The following KIAA1958 variants were observed in gnomAD, a reference collection of about 807,000 sequenced individuals.
KIAA1958 encodes KIAA1958.
KIAA1958 carries 14 observed loss-of-function variants against 47.2 expected under a neutral mutation model. The observed-to-expected ratio is 0.30, with a 90% CI of 0.20 to 0.46. The LOEUF (loss-of-function observed/expected upper bound fraction) is 0.46. Ranked by LOEUF, KIAA1958 falls within the 20% of genes least tolerant of loss-of-function variation. The pLI is 1.00. For synonymous variants in KIAA1958, 354 were observed against 353.3 expected (o/e 1.00, Z -0.02); for missense variants, 803 against 909.2 (o/e 0.88, Z 1.50).
chr9:112,547,979 C>G (rs1203732629), intron 1 of KIAA1958, among the ~76,000 whole-genome samples: 1 of 150,334 alleles, frequency 6.7e-6, no homozygotes, highest in Non-Finnish European at 1.5e-5. Flanking sequence ...CCCTTTCAAC[C>G]AATTGCCAGT....
At chr9:112,558,740 A>T (rs1262314532) in intron 1 of KIAA1958, among the ~76,000 whole-genome samples, 3 of 152,188 alleles carry the variant, frequency 2.0e-5, no homozygotes, top group Admixed American at 6.5e-5. Flanking sequence ...CATACCTAAA[A>T]ATAAGAGTCA....
chr9:112,545,825 G>GTTTTTTTT (rs768489084), intron 1 of KIAA1958, among the ~76,000 whole-genome samples: 4 of 93,038 alleles, frequency 4.3e-5, no homozygotes, highest in East Asian at 3.2e-4. Context: ...AGGTTTCTTT[G>GTTTTTTTT]TTTTTTTTTT....
At chr9:112,639,126 C>G (rs936340956) in intron 2 of KIAA1958, among the ~76,000 whole-genome samples, 1 of 152,168 alleles carries the variant, frequency 6.6e-6, no homozygotes, top group African/African-American at 2.4e-5. Context: ...AGGAAATTAA[C>G]CCTGATGCAT....
rs188657299 is a variant in KIAA1958 at position 112,546,017 on chromosome 9, T to A, written c.-24-28040T>A. 1.2e-4 allele frequency among the ~76,000 whole-genome samples: 18 copies of A among 152,164 alleles called. No individual in the cohort carries two copies. In the East Asian group the frequency reaches 3.3e-3, roughly 28 times the overall value. On this transcript the variant is annotated intron_variant, in intron 1 of 3. Coordinates refer to ENST00000337530, the MANE Select transcript of KIAA1958 (RefSeq NM_133465.4). ...AGTGTCCTTGAGTTAGCTAAATTTA[T>A]ACTTATTTTGAGGCTGGCAAATTTG...
intron 1 of KIAA1958, among the ~76,000 whole-genome samples, chr9:112,508,184 G>A (rs1426216181): frequency 5.3e-5 from 8 of 152,020 alleles, no homozygotes; most frequent in African/African-American, 7.3e-5. Context: ...ACTGAGCTTC[G>A]GAGCTTCCAG....
intron 1 of KIAA1958, among the ~76,000 whole-genome samples, chr9:112,494,295 A>G (rs1456028397): frequency 2.6e-5 from 4 of 151,930 alleles, no homozygotes; most frequent in Non-Finnish European, 5.9e-5. Flanking sequence ...CATCAATTAT[A>G]GTTTTTTAGT....
chr9:112,663,337 T>C lies in KIAA1958; in HGVS notation c.*3268T>C, dbSNP rs1276002402. The C allele has an allele frequency of 6.6e-6, 1 of 152,098 alleles. No individual in the cohort carries two copies. Among genetic ancestry groups the C allele is most frequent in the East Asian group, 1.9e-4 (1 of 5,198 alleles). 9.4% of individuals were successfully genotyped at this position (152,098 alleles called of 1,614,324 possible). The stretch of plus-strand genomic sequence containing the variant: ...GTCACCTTAAAGGGTGTGATTCAAT[T>C]GAATATAGTTTAGTGCGGTACCAGG... On this transcript the variant is annotated 3_prime_UTR_variant, in exon 4 of 4. Transcript: ENST00000337530.
At chr9:112,597,332 G>A (rs1019837073) in intron 2 of KIAA1958, among the ~76,000 whole-genome samples, 10 of 152,122 alleles carry the variant, frequency 6.6e-5, no homozygotes, top group African/African-American at 2.4e-4. Context: ...CTGAAGATAG[G>A]ACTATAATTA....
intron 1 of KIAA1958, among the ~76,000 whole-genome samples, chr9:112,570,747 A>T (rs1835517963): frequency 6.6e-6 from 1 of 152,160 alleles, no homozygotes; most frequent in Non-Finnish European, 1.5e-5. Context: ...TATACATGAG[A>T]GGGCATTTAT....
chr9:112,583,990 C>T (rs144067708), intron 2 of KIAA1958, among the ~76,000 whole-genome samples: 2,288 of 152,080 alleles, frequency 0.015, 27 homozygotes, highest in Middle Eastern at 0.044. Flanking sequence ...CACTTGAGCC[C>T]GGGAGTTTAA....
intron 2 of KIAA1958, among the ~76,000 whole-genome samples, chr9:112,606,650 G>A (rs997669601): frequency 6.6e-6 from 1 of 152,124 alleles, no homozygotes; most frequent in African/African-American, 2.4e-5. Flanking sequence ...TAAAACAACA[G>A]CTATTTAGAG....
intron 1 of KIAA1958, among the ~76,000 whole-genome samples, chr9:112,538,063 G>A (rs1834884638): frequency 6.6e-6 from 1 of 152,124 alleles, no homozygotes; most frequent in Non-Finnish European, 1.5e-5. Flanking sequence ...TGCACGGGTG[G>A]CTCACACCCG....
intron 1 of KIAA1958, among the ~76,000 whole-genome samples, chr9:112,522,797 A>G (rs1834571699): frequency 6.6e-6 from 1 of 152,220 alleles, no homozygotes; most frequent in Non-Finnish European, 1.5e-5. Context: ...CTAGTTGAGA[A>G]GGTCTCAGCT....
At chr9:112,637,481 G>A (rs980671060) in intron 2 of KIAA1958, among the ~76,000 whole-genome samples, 3 of 151,988 alleles carry the variant, frequency 2.0e-5, no homozygotes, top group East Asian at 1.9e-4. Context: ...AGTTTCAAGC[G>A]ACTCTCCTGC....
rs140767171 is a variant in KIAA1958 at position 112,659,739 on chromosome 9, C to T, written c.1821C>T (p.Ser607=). 10 of 1,614,038 alleles carry T rather than the reference C, an allele frequency of 6.2e-6. No homozygotes were observed. Among genetic ancestry groups the T allele is most frequent in the African/African-American group, 1.3e-5 (1 of 74,916 alleles). Residue 607 remains serine, a synonymous_variant, in exon 4 of 4, where the codon AGC becomes AGT. Coordinates refer to ENST00000337530, the MANE Select transcript of KIAA1958 (RefSeq NM_133465.4). The part of the protein sequence containing the change: ...RTDSVKRESR[S]GSTRVCHGKI... ...ACAGCGTCAAGCGGGAGAGTCGGAG[C>T]GGCTCCACCAGAGTGTGTCACGGGA...
At chr9:112,590,278 A>G (rs1835897231) in intron 2 of KIAA1958, among the ~76,000 whole-genome samples, 1 of 151,954 alleles carries the variant, frequency 6.6e-6, no homozygotes, top group African/African-American at 2.4e-5. Flanking sequence ...CATGCCATCA[A>G]GTCTCCTCCA....
chr9:112,568,755 G>T (rs1835473603), intron 1 of KIAA1958, among the ~76,000 whole-genome samples: 1 of 151,316 alleles, frequency 6.6e-6, no homozygotes, highest in Non-Finnish European at 1.5e-5. Flanking sequence ...AGGTGTGGTG[G>T]TGCGCACCTG....
intron 1 of KIAA1958, among the ~76,000 whole-genome samples, chr9:112,499,938 T>G (rs1834106678): frequency 6.6e-6 from 1 of 151,978 alleles, no homozygotes; most frequent in South Asian, 2.1e-4. Context: ...TCCACCCACC[T>G]CGGCCTCCCA....
At chr9:112,573,668 G>A (rs1835579295) in intron 1 of KIAA1958, among the ~76,000 whole-genome samples, 2 of 152,172 alleles carry the variant, frequency 1.3e-5, no homozygotes, top group Non-Finnish European at 2.9e-5. Context: ...GCAAGTAATA[G>A]ACACAATTTT....
Sources: allele counts gnomAD v4.1 joint callset (sites outside exome capture counted in the v4.1 genomes callset), GRCh38; gene constraint gnomAD v4.1.1; transcripts MANE v1.5; gene names NCBI Gene and HGNC (gene_info 2026-07-23, HGNC 2026-07-21).